The following LMF1 variants were observed in gnomAD, a reference collection of about 807,000 sequenced individuals.
The protein encoded by LMF1 is transmembrane protein 112.
In LMF1, 68 loss-of-function variants were observed where a neutral mutation model predicts 60.6. The ratio of observed to expected loss-of-function variants is 1.12; its 90% confidence interval spans 0.92 to 1.37. The LOEUF (loss-of-function observed/expected upper bound fraction) is 1.37, where lower values mean the gene tolerates loss of function less well. Among genes scored for constraint, LMF1 ranks in the 40% most tolerant of loss-of-function variants. LMF1 has a pLI of 0.00. For synonymous variants in LMF1, 418 were observed against 324.7 expected (o/e 1.29, Z -3.09); for missense variants, 948 against 767.2 (o/e 1.24, Z -2.78).
At position 897,240 on chromosome 16, in the gene LMF1, G is replaced by A. The variant is rs1402229387; in HGVS notation, c.664-4168C>T. Among the ~76,000 whole-genome samples the A allele has an allele frequency of 2.0e-5, 3 of 152,184 alleles. No homozygotes were observed. Among genetic ancestry groups the A allele is most frequent in the South Asian group, 2.1e-4 (1 of 4,828 alleles). On this transcript the variant is annotated intron_variant, in intron 4 of 10. Transcript: ENST00000262301. This position sits in a 1 kb window ranked among gnomAD's most constrained non-coding sequence, Gnocchi z 4.3. ...TCGAAGTGTCTTGACGGTCGTATGCGGAGAAGGAGACACTCTGTGGAGACC... is the reference window on the plus strand; with the variant it reads ...TCGAAGTGTCTTGACGGTCGTATGCAGAGAAGGAGACACTCTGTGGAGACC...
intron 1 of LMF1, chr16:968,311 C>A (rs1297706770): frequency 1.3e-5 from 2 of 152,272 alleles, no homozygotes; most frequent in Non-Finnish European, 2.9e-5. Context: ...TCTGCTGAGA[C>A]AATCTGCCTA....
chr16:893,215 G>T, intron 4 of LMF1, 143 bp from the exon 5 acceptor site: 1 of 732,460 alleles, frequency 1.4e-6, no homozygotes, highest in Non-Finnish European at 2.4e-6. Context: ...GGGACCTTAC[G>T]TATGAAACAC....
rs752377763 is a variant in LMF1 at position 870,051 on chromosome 16, C to T, written c.1248G>A (p.Arg416=). ...YGAFGSITKE[R]AEVILQGTAS... Reference sequence around the variant, plus strand: ...CTGTGCCCTGCAGGATCACCTCCGCCCGCTCCTTGGTGATGCTGCCGGGAG... The same window carrying T: ...CTGTGCCCTGCAGGATCACCTCCGCTCGCTCCTTGGTGATGCTGCCGGGAG... The change falls in exon 9 of 11, where the codon CGG becomes CGA. Residue 416 remains arginine (R), a synonymous_variant. Coordinates refer to ENST00000262301, the MANE Select transcript of LMF1 (RefSeq NM_022773.4). 1.2e-6 allele frequency: 2 copies of T among 1,609,976 alleles called. No individual in the cohort carries two copies. The highest frequency in any genetic ancestry group is 1.7e-6 in the Non-Finnish European group (2 of 1,179,638).
At chr16:894,372 ACCTGGCCATCCG>A (rs2070600004) in intron 4 of LMF1, among the ~76,000 whole-genome samples, 1 of 20,910 alleles carries the variant, frequency 4.8e-5, no homozygotes, top group Non-Finnish European at 8.7e-5. Flanking sequence ...CCCCCCGTCC[ACCTGGCCATCCG>A]CCCACCTGTC....
chr16:870,935 G>A, intron 7 of LMF1, 53 bp from the exon 8 acceptor site: 6 of 1,540,120 alleles, frequency 3.9e-6, no homozygotes, highest in African/African-American at 1.4e-5. Flanking sequence ...CCCGTGGCCT[G>A]TCCCTGGGGA....
At chr16:971,019 T>A (rs418079), upstream of LMF1, 24 of 590,134 alleles carry the variant, frequency 4.1e-5, no homozygotes, top group South Asian at 1.0e-3. Context: ...CCGCCCATTC[T>A]CGGAGGCCCC....
intron 2 of LMF1, among the ~76,000 whole-genome samples, chr16:942,072 C>T (rs1316339012): frequency 6.6e-6 from 1 of 152,184 alleles, no homozygotes; most frequent in Admixed American, 6.5e-5. Context: ...TGAAGATATT[C>T]CTTTAACATT....
In LMF1 at chr16:887,754, C is replaced by T. The variant is rs8045949; in HGVS notation, c.729+5253G>A. Among the ~76,000 whole-genome samples the T allele has an allele frequency of 6.0e-3, 909 of 152,280 alleles. 3 individuals are homozygous for T. The highest frequency in any genetic ancestry group is 0.02 in the African/African-American group (845 of 41,572). On this transcript the variant is annotated intron_variant, in intron 5 of 10. Transcript: ENST00000262301. ...TCGCAGGTACCCTGGAAGGCATGGCCGTGGCCTGGGCCCGGAGTCAGGGTG... is the reference window on the plus strand; with the variant it reads ...TCGCAGGTACCCTGGAAGGCATGGCTGTGGCCTGGGCCCGGAGTCAGGGTG...
At chr16:928,279 G>T (rs1187416974) in intron 3 of LMF1, among the ~76,000 whole-genome samples, 1 of 152,196 alleles carries the variant, frequency 6.6e-6, no homozygotes, top group African/African-American at 2.4e-5. Flanking sequence ...TGTTGGCGCT[G>T]ACACCTGGCC....
intron 5 of LMF1, among the ~76,000 whole-genome samples, chr16:889,026 A>G (rs894532309): frequency 1.3e-5 from 2 of 152,192 alleles, no homozygotes; most frequent in African/African-American, 2.4e-5. Context: ...GCGGCCGTCC[A>G]TGCATCCCCG....
chr16:935,457 T>C (rs747731307), intron 2 of LMF1, among the ~76,000 whole-genome samples: 28 of 151,926 alleles, frequency 1.8e-4, no homozygotes, highest in Non-Finnish European at 3.2e-4. Context: ...TTGTACACTT[T>C]ATGTCAGGGT....
At chr16:883,752 C>G (rs1268213732) in intron 5 of LMF1, 2 of 152,262 alleles carry the variant, frequency 1.3e-5, no homozygotes, top group African/African-American at 4.8e-5. Context: ...ACTCCAAGCA[C>G]AAAAAATATG....
rs111855027 is a variant in LMF1 at position 953,485 on chromosome 16, A to C, written c.503+872T>G. On this transcript the variant is annotated intron_variant, in intron 2 of 10. Coordinates refer to ENST00000262301, the MANE Select transcript of LMF1 (RefSeq NM_022773.4). ...CACGTCCACACAGACACCCACCCCA[A>C]ACCAGCCTCCTGCACGTCCACACAG... 6.4e-3 allele frequency among the ~76,000 whole-genome samples: 61 copies of C among 9,520 alleles called. 12 individuals carry two copies. Among genetic ancestry groups the C allele is most frequent in the East Asian group, 0.043 (5 of 116 alleles). 6.2% of individuals were successfully genotyped at this position (9,520 alleles called of 152,430 possible).
At chr16:981,065 G>A (rs1019670926) in intron 1 of LMF1, 13 of 243,404 alleles carry the variant, frequency 5.3e-5, no homozygotes, top group Middle Eastern at 1.3e-3. Context: ...CCCCGCCCGC[G>A]CTCTCCACGC....
At chr16:879,545 G>C (rs2070097671) in intron 6 of LMF1, 25 bp downstream of exon 6, 1 of 1,610,296 alleles carries the variant, frequency 6.2e-7, no homozygotes, top group Non-Finnish European at 8.5e-7. Flanking sequence ...GTGGACACGG[G>C]GCAGGGCGGG....
chr16:879,357 G>A (rs1345445776), intron 6 of LMF1, among the ~76,000 whole-genome samples: 2 of 152,174 alleles, frequency 1.3e-5, no homozygotes, highest in African/African-American at 4.8e-5. Context: ...GCCAGTCCTT[G>A]GAGGAAGCCT....
chr16:951,161 C>T lies in LMF1; in HGVS notation c.503+3196G>A, dbSNP rs1420516025. 3.6e-5 allele frequency among the ~76,000 whole-genome samples: 5 copies of T among 137,152 alleles called. 1 individual carries two copies. Among genetic ancestry groups the T allele is most frequent in the African/African-American group, 1.4e-4 (5 of 36,438 alleles). 90.0% of individuals were successfully genotyped at this position (137,152 alleles called of 152,430 possible). A position where few individuals can be genotyped will look rare whatever the true frequency, so the allele number is the denominator to read the frequency against. On this transcript the variant is annotated intron_variant, in intron 2 of 10. Coordinates refer to ENST00000262301, the MANE Select transcript of LMF1 (RefSeq NM_022773.4). ...GAGTCAGCCAACGACAGAGTCAGAG[C>T]CAACGACAGAGTCAGCCAACAACAG...
At chr16:950,959 C>T (rs66485909) in intron 2 of LMF1, among the ~76,000 whole-genome samples, 55,174 of 121,150 alleles carry the variant, frequency 0.46, 15,764 homozygotes, top group African/African-American at 0.7. Context: ...TCAGAGCCAA[C>T]GACAGAATCA....
intron 2 of LMF1, among the ~76,000 whole-genome samples, chr16:944,278 G>A (rs1240235492): frequency 2.0e-5 from 3 of 150,328 alleles, no homozygotes; most frequent in Admixed American, 6.6e-5. Context: ...GACTCTACCC[G>A]CCACTTTCCA....
Sources: gnomAD v4.1 joint callset for allele counts (sites outside exome capture counted in the v4.1 genomes callset) on GRCh38, gnomAD v4.1.1 for gene constraint, Gnocchi (gnomAD v3.1) non-coding constraint, MANE v1.5 for transcripts, NCBI Gene and HGNC (gene_info 2026-07-23, HGNC 2026-07-21) for gene names.